The following CKAP2 variants were observed in gnomAD, a reference collection of about 807,000 sequenced individuals.
CKAP2 encodes cytoskeleton associated protein 2, also known as cytoskeleton-associated protein 2.
Under a neutral mutation model 58.4 loss-of-function variants are expected in CKAP2, and 46 were observed. That is an observed-to-expected ratio of 0.79 (90% confidence interval 0.62 to 1.01). The LOEUF is 1.01. Among genes scored for constraint, CKAP2 ranks in the 50% least tolerant of loss-of-function variants. The probability of loss-of-function intolerance (pLI) is 0.00; values close to 1 mark genes in which losing one functional copy is unlikely to be tolerated. For missense variants in CKAP2, 809 were observed against 796.4 expected (o/e 1.02, Z -0.19); for synonymous variants, 293 against 280.9 (o/e 1.04, Z -0.43).
chr13:52,472,749 T>C (rs1304961616), intron 7 of CKAP2, among the ~76,000 whole-genome samples: 1 of 152,216 alleles, frequency 6.6e-6, no homozygotes, highest in Non-Finnish European at 1.5e-5. Context: ...ATTCATTTGT[T>C]AATAAGTTCT....
Position 52,462,355 on chromosome 13 carries a change from A to G in CKAP2, c.1101-8A>G, listed in dbSNP as rs1266384067. On this transcript the variant is annotated splice_region_variant and splice_polypyrimidine_tract_variant and intron_variant, in intron 4 of 8. Coordinates refer to ENST00000258607, the MANE Select transcript of CKAP2 (RefSeq NM_018204.5). The stretch of plus-strand genomic sequence containing the variant: ...CAAAGTAACGTTTATATCTGCTTCT[A>G]ACTATAGAGCTCGTCTGAGTGAGTG... 7 of 1,609,476 alleles carry G rather than the reference A, an allele frequency of 4.3e-6. No homozygotes were observed. In the Admixed American group the frequency reaches 6.8e-5, roughly 16 times the overall value.
chr13:52,461,989 A>G, intron 4 of CKAP2, 63 bp downstream of exon 4: 15 of 1,402,796 alleles, frequency 1.1e-5, no homozygotes, highest in Non-Finnish European at 1.4e-5. Flanking sequence ...GTAGATTTGG[A>G]TTATAATTTC....
chr13:52,475,286 A>G lies in CKAP2; in HGVS notation c.*145A>G, dbSNP rs1347727537. ...CACGGCAGTGAGCTCCTTTACTAAC[A>G]TTCATGTTATGGCAAGAGTTGTCCT... On this transcript the variant is annotated 3_prime_UTR_variant, in exon 9 of 9. Coordinates refer to ENST00000258607, the MANE Select transcript of CKAP2 (RefSeq NM_018204.5). The G allele has an allele frequency of 1.0e-6, 1 of 971,790 alleles. No homozygotes were observed. The highest frequency in any genetic ancestry group is 1.5e-6 in the Non-Finnish European group (1 of 669,396). The allele number at this position is 971,790 out of a possible 1,614,324, so 60.2% of individuals were successfully genotyped here.
chr13:52,472,224 T>C (rs904890516), intron 7 of CKAP2, among the ~76,000 whole-genome samples: 1 of 152,190 alleles, frequency 6.6e-6, no homozygotes. Context: ...CTATGCAATA[T>C]TTGATGCATT....
At chr13:52,467,778 G>T (rs115595514) in intron 6 of CKAP2, among the ~76,000 whole-genome samples, 12,094 of 151,638 alleles carry the variant, frequency 0.08, 686 homozygotes, top group African/African-American at 0.16. Flanking sequence ...GGAAAAGACA[G>T]CCATTTTTCG....
intron 6 of CKAP2, among the ~76,000 whole-genome samples, chr13:52,468,056 C>T (rs936939808): frequency 6.6e-5 from 10 of 152,008 alleles, no homozygotes; most frequent in Admixed American, 5.9e-4. Context: ...GTGATCTGCC[C>T]GTCTAGGCCT....
chr13:52,458,017 C>T (rs1027506272), intron 2 of CKAP2, among the ~76,000 whole-genome samples: 1 of 152,096 alleles, frequency 6.6e-6, no homozygotes, highest in Admixed American at 6.5e-5. Context: ...ATTTTTGCAA[C>T]TTTGTGTAAG....
In CKAP2 at chr13:52,473,982, A is replaced by G. The variant is rs373740676; in HGVS notation, c.1700A>G (p.Asn567Ser). 4 of 1,614,140 alleles carry G rather than the reference A, an allele frequency of 2.5e-6. No individual in the cohort carries two copies. The highest frequency in any genetic ancestry group is 3.4e-6 in the Non-Finnish European group (4 of 1,180,004). Residue 567 changes from asparagine to serine, a missense_variant, in exon 8 of 9, where the codon AAC becomes AGC. Coordinates refer to ENST00000258607, the MANE Select transcript of CKAP2 (RefSeq NM_018204.5). ...CAAGATTGTGAAAAAGAGCAAGACA[A>G]CAAAACAAAAGATCCAACCCATGAT... is the stretch of plus-strand genomic sequence containing the variant. ...LFQDCEKEQD[N>S]KTKDPTHDVK...
chr13:52,457,647 G>A (rs1322630339), intron 2 of CKAP2, among the ~76,000 whole-genome samples: 1 of 152,134 alleles, frequency 6.6e-6, no homozygotes, highest in African/African-American at 2.4e-5. Context: ...GAGGTCAGGA[G>A]ATCAAGACCA....
rs1402547920 is a variant in CKAP2 at position 52,465,287 on chromosome 13, T to C, written c.1306-8T>C. 5.0e-6 allele frequency: 8 copies of C among 1,597,818 alleles called. No homozygotes were observed. The South Asian group carries it at 6.8e-5, about 13-fold the overall frequency. Reference sequence around the variant, plus strand: ...AAATATTACACACATTTTTTCTTGCTTTTTTAGGGATGTCCAAAAGAAGAT... The same window carrying C: ...AAATATTACACACATTTTTTCTTGCCTTTTTAGGGATGTCCAAAAGAAGAT... On this transcript the variant is annotated splice_region_variant and splice_polypyrimidine_tract_variant and intron_variant, in intron 5 of 8. Transcript: ENST00000258607.
intron 6 of CKAP2, among the ~76,000 whole-genome samples, chr13:52,466,048 C>T (rs1958673206): frequency 6.6e-6 from 1 of 151,738 alleles, no homozygotes; most frequent in Non-Finnish European, 1.5e-5. Context: ...TATACACACA[C>T]ACATATATAT....
rs775653582 is a variant in CKAP2 at position 52,461,619 on chromosome 13, G to C, written c.793G>C (p.Asp265His). ...TAGAAGTCATCACAGTAATACCCGGGACACTGTGAAACAAGGCATCAGTAG... is the reference window on the plus strand; with the variant it reads ...TAGAAGTCATCACAGTAATACCCGGCACACTGTGAAACAAGGCATCAGTAG... The part of the protein sequence containing the change: ...PIRSHHSNTR[D>H]TVKQGISRTS... Residue 265 changes from aspartate to histidine, a missense_variant, in exon 4 of 9, where the codon GAC becomes CAC. Coordinates refer to ENST00000258607, the MANE Select transcript of CKAP2 (RefSeq NM_018204.5). 1 of 1,613,820 alleles carries C rather than the reference G, an allele frequency of 6.2e-7. No homozygotes were observed. Among genetic ancestry groups the C allele is most frequent in the Non-Finnish European group, 8.5e-7 (1 of 1,179,868 alleles).
chr13:52,474,212 A>G, intron 8 of CKAP2, 128 bp downstream of exon 8: 3 of 930,942 alleles, frequency 3.2e-6, no homozygotes, highest in Non-Finnish European at 4.7e-6. Context: ...CAGTACGGGC[A>G]TGGTGGCTCA....
chr13:52,457,097 A>T (rs150809210), intron 2 of CKAP2, among the ~76,000 whole-genome samples: 7 of 152,158 alleles, frequency 4.6e-5, no homozygotes, highest in African/African-American at 1.7e-4. Flanking sequence ...GGGTTTCACT[A>T]TGTTGGCCGG....
Position 52,458,985 on chromosome 13 carries a change from A to G in CKAP2, c.156-1914A>G, listed in dbSNP as rs151125178. 3.6e-3 allele frequency among the ~76,000 whole-genome samples: 556 copies of G among 152,348 alleles called. 2 individuals carry two copies. The highest frequency in any genetic ancestry group is 0.012 in the African/African-American group (501 of 41,586). On this transcript the variant is annotated intron_variant, in intron 2 of 8. Coordinates refer to ENST00000258607, the MANE Select transcript of CKAP2 (RefSeq NM_018204.5). ...AACAGTTATATTTTACAATCTCTAA[A>G]GTATAGATATCCTAAGACTCATTTC...
rs1958603103 is a variant in CKAP2 at position 52,462,530 on chromosome 13, A to G, written c.1268A>G (p.Asn423Ser). The stretch of plus-strand genomic sequence containing the variant: ...CAAAGATTATTTACTGAAAAAGTAA[A>G]CAACACATTTTCTGAATGCCTGAAC... ...DEQRLFTEKV[N>S]NTFSECLNLI... The change falls in exon 5 of 9, where the codon AAC (asparagine) becomes AGC (serine). Residue 423 changes from asparagine to serine, a missense_variant. Asn to Ser is a conservative substitution (Grantham distance 46). Around this residue, in one of 3 missense-constraint regions of CKAP2, gnomAD observed 523 missense variants for 492.4 expected, o/e 1.06. Transcript: ENST00000258607. The G allele has an allele frequency of 5.6e-6, 9 of 1,614,018 alleles. No homozygotes were observed. Among genetic ancestry groups the G allele is most frequent in the Non-Finnish European group, 6.8e-6 (8 of 1,179,986 alleles).
At chr13:52,470,175 G>T (rs1461280085) in intron 7 of CKAP2, among the ~76,000 whole-genome samples, 1 of 150,010 alleles carries the variant, frequency 6.7e-6, no homozygotes. Flanking sequence ...GCGCAATCTC[G>T]GCTCACTGCA....
chr13:52,474,799 T>A, intron 8 of CKAP2, 96 bp from the exon 9 acceptor site: 1 of 1,218,250 alleles, frequency 8.2e-7, no homozygotes. Flanking sequence ...TACCTGCTTA[T>A]AACATACAAG....
At chr13:52,471,142 G>A (rs1452657494) in intron 7 of CKAP2, among the ~76,000 whole-genome samples, 2 of 151,940 alleles carry the variant, frequency 1.3e-5, no homozygotes, top group East Asian at 1.9e-4. Context: ...TGGTGACAGA[G>A]TGAGACTCCG....
Sources: allele counts gnomAD v4.1 joint callset (sites outside exome capture counted in the v4.1 genomes callset), GRCh38; gene constraint gnomAD v4.1.1; regional missense constraint gnomAD v4.1.1; transcripts MANE v1.5; gene names NCBI Gene and HGNC (gene_info 2026-07-23, HGNC 2026-07-21).